GTF3C3: variants seen among roughly 807,000 people sequenced by gnomAD.
GTF3C3 encodes general transcription factor IIIC subunit 3, also known as general transcription factor 3C polypeptide 3.
GTF3C3 carries 75 observed loss-of-function variants against 105.2 expected under a neutral mutation model. The ratio of observed to expected loss-of-function variants is 0.71; its 90% CI spans 0.59 to 0.86. GTF3C3 has a LOEUF of 0.86. GTF3C3 is among the 40% of genes least tolerant of loss of function. GTF3C3 has a pLI of 0.00. For missense variants in GTF3C3, 856 were observed against 1,076.5 expected (o/e 0.80, Z 2.87); for synonymous variants, 335 against 370.4 (o/e 0.90, Z 1.10).
intron 2 of GTF3C3, 75 bp from the exon 3 acceptor site, chr2:196,793,227 G>T: frequency 1.8e-6 from 2 of 1,142,006 alleles, no homozygotes; most frequent in Admixed American, 4.8e-5. Context: ...TATTTTCTAA[G>T]TATAAATTTT....
chr2:196,766,545 G>C lies in GTF3C3; in HGVS notation c.2538+20C>G, dbSNP rs748451890. Reference sequence around the variant, plus strand: ...CAGACAGATGAAATGAAGTGTCTCAGTTTTAAAAATGCACAATACCTCTAC... The same window carrying C: ...CAGACAGATGAAATGAAGTGTCTCACTTTTAAAAATGCACAATACCTCTAC... On this transcript the variant is annotated intron_variant, in intron 17 of 17. Coordinates refer to ENST00000263956, the MANE Select transcript of GTF3C3 (RefSeq NM_012086.5). 1 of 1,581,608 alleles carries C rather than the reference G, an allele frequency of 6.3e-7. No individual in the cohort carries two copies. Among genetic ancestry groups the C allele is most frequent in the Non-Finnish European group, 8.6e-7 (1 of 1,159,614 alleles).
At chr2:196,794,387 T>C (rs796078958) in intron 2 of GTF3C3, among the ~76,000 whole-genome samples, 25 of 152,330 alleles carry the variant, frequency 1.6e-4, no homozygotes, top group African/African-American at 6.0e-4. Context: ...ATTTTAAGTA[T>C]ATATAGAGAG....
At chr2:196,796,458 T>C (rs1049595074) in intron 2 of GTF3C3, among the ~76,000 whole-genome samples, 4 of 152,206 alleles carry the variant, frequency 2.6e-5, no homozygotes, top group Non-Finnish European at 5.9e-5. Flanking sequence ...CTTCAGCAGA[T>C]AAGGAAGGAC....
Position 196,799,666 on chromosome 2 carries a change from C to G in GTF3C3, c.-55G>C, listed in dbSNP as rs1699713560. On this transcript the variant is annotated 5_prime_UTR_variant, in exon 1 of 18. Coordinates refer to ENST00000263956, the MANE Select transcript of GTF3C3 (RefSeq NM_012086.5). The stretch of plus-strand genomic sequence containing the variant: ...GAACCGGGACAGAGAACCGGAAGAG[C>G]AGCGCCTTCCAGAAGCTACCTCGCC... 3 of 1,273,736 alleles carry G rather than the reference C, an allele frequency of 2.4e-6. No individual in the cohort carries two copies. The highest frequency in any genetic ancestry group is 3.4e-6 in the Non-Finnish European group (3 of 873,814). The allele number at this position is 1,273,736 out of a possible 1,614,324, so 78.9% of individuals were successfully genotyped here.
intron 13 of GTF3C3, 66 bp downstream of exon 13, chr2:196,775,050 G>T: frequency 8.5e-7 from 1 of 1,173,040 alleles, no homozygotes; most frequent in Non-Finnish European, 1.2e-6. Context: ...GCTGTCCAGT[G>T]TTACTTCATG....
At chr2:196,780,254 A>C (rs955997483) in intron 9 of GTF3C3, 3 of 1,018,646 alleles carry the variant, frequency 2.9e-6, no homozygotes, top group Non-Finnish European at 3.6e-6. Context: ...CAAAGTCCGC[A>C]AAAAAGAATA....
chr2:196,771,741 C>A lies in GTF3C3; in HGVS notation c.2260+7G>T, dbSNP rs749623245. The A allele has an allele frequency of 1.3e-6, 2 of 1,591,864 alleles. No homozygotes were observed. The highest frequency in any genetic ancestry group is 1.1e-5 in the South Asian group (1 of 90,624). On this transcript the variant is annotated splice_region_variant and intron_variant, in intron 15 of 17. Coordinates refer to ENST00000263956, the MANE Select transcript of GTF3C3 (RefSeq NM_012086.5). ...TGCTTGACAAAGTCACGTGCCAGGA[C>A]ACTTACCAAGCGCATGCTTAAAACT...
chr2:196,798,845 A>G lies in GTF3C3; in HGVS notation c.102+665T>C, dbSNP rs1290651039. Among the ~76,000 whole-genome samples the G allele has an allele frequency of 1.1e-4, 16 of 144,596 alleles. No homozygotes were observed. In the Admixed American group the frequency reaches 1.1e-3, roughly 10 times the overall value. The allele number at this position is 144,596 out of a possible 152,430, so 94.9% of individuals were successfully genotyped here. ...CCACTGCACTCCAGCCTGGGCAACA[A>G]GAGCGAAACTCCGTCTCAAAAAAAA... is the stretch of plus-strand genomic sequence containing the variant. On this transcript the variant is annotated intron_variant, in intron 1 of 17. Transcript: ENST00000263956.
At chr2:196,796,810 C>T (rs952271031) in intron 2 of GTF3C3, among the ~76,000 whole-genome samples, 3 of 152,210 alleles carry the variant, frequency 2.0e-5, no homozygotes, top group Admixed American at 6.5e-5. Context: ...AGGATAACGG[C>T]TTCCAACTCC....
At position 196,764,155 on chromosome 2, in the gene GTF3C3, TCTTTC is replaced by T. The variant is rs1229530422; in HGVS notation, c.*403_*407del. 6.5e-6 allele frequency: 1 copy of T among 153,160 alleles called. No homozygotes were observed. The highest frequency in any genetic ancestry group is 6.5e-5 in the Admixed American group (1 of 15,366). The allele number at this position is 153,160 out of a possible 1,614,324, so 9.5% of individuals were successfully genotyped here. The stretch of plus-strand genomic sequence containing the variant: ...TGACATCATAAAGAGTCCCACTTTG[TCTTTC>T]CTTTAATAATAAGCAACCTCTGTTT... On this transcript the variant is annotated 3_prime_UTR_variant, in exon 18 of 18. Transcript: ENST00000263956.
chr2:196,764,947 G>GAGTT (rs1699035139), intron 17 of GTF3C3, among the ~76,000 whole-genome samples: 1 of 152,034 alleles, frequency 6.6e-6, no homozygotes, highest in African/African-American at 2.4e-5. Flanking sequence ...TTGGATTTTA[G>GAGTT]AGTTAAAAAA....
chr2:196,774,779 A>G (rs1052905895), intron 13 of GTF3C3, among the ~76,000 whole-genome samples: 59 of 152,236 alleles, frequency 3.9e-4, no homozygotes, highest in Non-Finnish European at 1.5e-5. Context: ...AGAATGGAAT[A>G]TATATAAGTG....
At chr2:196,765,532 AATAT>A (rs1039486365) in intron 17 of GTF3C3, among the ~76,000 whole-genome samples, 3 of 150,564 alleles carry the variant, frequency 2.0e-5, no homozygotes, top group African/African-American at 7.3e-5. Flanking sequence ...TACATATAAA[AATAT>A]ATATAAATAT....
At chr2:196,787,498 C>T (rs777353376) in intron 6 of GTF3C3, among the ~76,000 whole-genome samples, 9 of 152,152 alleles carry the variant, frequency 5.9e-5, no homozygotes, top group Admixed American at 3.9e-4. Context: ...ATACTTTGCA[C>T]TTCCTGTTTC....
At chr2:196,773,255 T>G in intron 13 of GTF3C3, 102 bp from the exon 14 acceptor site, 1 of 733,224 alleles carries the variant, frequency 1.4e-6, no homozygotes, top group Non-Finnish European at 2.4e-6. Context: ...TTAATAACCA[T>G]GAGCCTAAAT....
intron 16 of GTF3C3, among the ~76,000 whole-genome samples, chr2:196,769,393 G>A (rs1243072558): frequency 6.6e-6 from 1 of 152,166 alleles, no homozygotes; most frequent in African/African-American, 2.4e-5. Context: ...TGAAGGCAAA[G>A]TAGTGAACAA....
rs763704686 is a variant in GTF3C3, at chr2:196,766,586, C to G, written c.2517G>C (p.Glu839Asp). ...LAIHYYQKAL[E>D]LPPLVVEGIE... ...ATACCTCTACCACAAGTGGAGGGAG[C>G]TCCAGGGCCTTCTGATAATAGTGGA... The change falls in exon 17 of 18, where the codon GAG (glutamate) becomes GAC (aspartate). Residue 839 changes from glutamate (E) to aspartate (D), a missense_variant. Coordinates refer to ENST00000263956, the MANE Select transcript of GTF3C3 (RefSeq NM_012086.5). 1 of 1,611,828 alleles carries G rather than the reference C, an allele frequency of 6.2e-7. No homozygotes were observed. Among genetic ancestry groups the G allele is most frequent in the East Asian group, 2.2e-5 (1 of 44,854 alleles).
At chr2:196,768,023 A>C (rs543971380) in intron 16 of GTF3C3, among the ~76,000 whole-genome samples, 1 of 152,188 alleles carries the variant, frequency 6.6e-6, no homozygotes, top group Non-Finnish European at 1.5e-5. Flanking sequence ...CTATTGTTCT[A>C]TTCTGTTCTG....
At chr2:196,778,689 T>G in intron 10 of GTF3C3, 2 of 575,488 alleles carry the variant, frequency 3.5e-6, no homozygotes. Flanking sequence ...AACTTCACTC[T>G]GGCATCATTA....
Sources: allele counts gnomAD v4.1 joint callset (sites outside exome capture counted in the v4.1 genomes callset), GRCh38; gene constraint gnomAD v4.1.1; transcripts MANE v1.5; gene names NCBI Gene and HGNC (gene_info 2026-07-23, HGNC 2026-07-21).